The following PNCK variants were observed in gnomAD, a reference collection of about 807,000 sequenced individuals.
PNCK encodes pregnancy up-regulated nonubiquitous CaM kinase, also known as calcium/calmodulin-dependent protein kinase type 1B.
PNCK carries 21 observed loss-of-function variants against 28.3 expected under a neutral mutation model. The observed-to-expected ratio is 0.74, with a 90% CI of 0.53 to 1.07. PNCK has a LOEUF of 1.07. PNCK is among the 50% of genes least tolerant of loss of function. The probability of loss-of-function intolerance (pLI) is 0.00; values close to 1 mark genes in which losing one functional copy is unlikely to be tolerated. For missense variants in PNCK, 250 were observed against 298.3 expected, an observed-to-expected ratio of 0.84 and a Z score of 1.19; for synonymous variants, 136 against 125.2, an observed-to-expected ratio of 1.09 and a Z score of -0.58.
upstream of PNCK, chrX:153,673,972 A>G (rs1603206094): frequency 9.0e-7 from 1 of 1,110,867 alleles, no homozygotes; most frequent in East Asian, 3.6e-5. Flanking sequence ...GCCGGCCGCC[A>G]CCGCCCAGCC....
intron 1 of PNCK, among the ~76,000 whole-genome samples, chrX:153,684,272 C>T (rs1373280043): frequency 1.8e-5 from 2 of 112,336 alleles, no homozygotes; most frequent in Non-Finnish European, 3.8e-5. Context: ...TGGGTCTGCA[C>T]GGAATATATG....
At chrX:153,678,835 C>CT (rs55925645), upstream of PNCK, among the ~76,000 whole-genome samples, 210 of 95,095 alleles carry the variant, frequency 2.2e-3, 1 homozygote, top group African/African-American at 4.5e-3. Flanking sequence ...CGTTTTCTGT[C>CT]TTTTTTTTTT....
At chrX:153,685,317 T>C (rs1359504878) in intron 1 of PNCK, among the ~76,000 whole-genome samples, 1 of 111,145 alleles carries the variant, frequency 9.0e-6, no homozygotes, top group Non-Finnish European at 1.9e-5. Flanking sequence ...TTTGCCTTTG[T>C]TCCCCCAACT....
upstream of PNCK, among the ~76,000 whole-genome samples, chrX:153,676,651 G>T (rs1043629564): frequency 1.8e-5 from 2 of 111,266 alleles, no homozygotes; most frequent in Non-Finnish European, 3.8e-5. Context: ...ATCACCTGAG[G>T]TCAGGAGTTC....
chrX:153,685,619 G>A (rs2091415660), intron 1 of PNCK, among the ~76,000 whole-genome samples: 2 of 112,767 alleles, frequency 1.8e-5, no homozygotes, highest in African/African-American at 6.4e-5. Context: ...CCGCGTGGAG[G>A]GAAAACTCAG....
At chrX:153,670,180 A>G (rs1311641705) in intron 11 of PNCK, 50 bp from the exon 12 acceptor site, 16 of 405,423 alleles carry the variant, frequency 3.9e-5, no homozygotes, top group Non-Finnish European at 5.2e-5. Flanking sequence ...CCGGCCTGCC[A>G]GCCCTGTGCC....
rs1187183802 is a variant in PNCK, at chrX:153,681,188, A to G, written c.-3+6243T>C. ...TATGAGTCCATACCGTTATAAATAA[A>G]TGATTACATAAATAAATGTGGGAGA... On this transcript the variant is annotated intron_variant, in intron 1 of 3. Coordinates refer to the PNCK transcript ENST00000419804. 2.7e-5 allele frequency among the ~76,000 whole-genome samples: 3 copies of G among 112,215 alleles called. No homozygotes were observed. The Admixed American group carries it at 2.8e-4, about 11-fold the overall frequency.
Position 153,672,134 on chromosome X carries a change from G to A in PNCK, c.267C>T (p.Ala89=), listed in dbSNP as rs782059526. ...GCCCAGGCCCTCCTCACAGTTCCAT[G>A]GCCAGGTAGAGGTGGGAAGGGCTCT... ...VHESPSHLYL[A]MELVTGGELF... is the part of the protein sequence containing the mutation. The change falls in exon 4 of 12, where the codon GCC becomes GCT. Residue 89 remains alanine, a synonymous_variant. Coordinates refer to ENST00000340888, the MANE Select transcript of PNCK (RefSeq NM_001366977.1). 1 of 1,204,383 alleles carries A rather than the reference G, an allele frequency of 8.3e-7. No homozygotes were observed. Among genetic ancestry groups the A allele is most frequent in the Non-Finnish European group, 1.1e-6 (1 of 891,534 alleles).
At chrX:153,673,430 A>C in intron 1 of PNCK, 1 of 586,268 alleles carries the variant, frequency 1.7e-6, no homozygotes, top group Non-Finnish European at 2.5e-6. Context: ...ACAGCGCCCA[A>C]GCCCCCACCC....
Position 153,673,014 on chromosome X carries a change from G to A in PNCK, c.63C>T (p.Leu21=), listed in dbSNP as rs1274528872. Residue 21 remains leucine, a synonymous_variant, in exon 2 of 12, where the codon CTC becomes CTT. Coordinates refer to ENST00000340888, the MANE Select transcript of PNCK (RefSeq NM_001366977.1). ...ISSVYEIRER[L]GSGAFSEVVL... ...ACACGCGCGCGCACACTCACGAGCC[G>A]AGCCTCTCGCGGATCTCGTAGACGC... 11 of 1,187,874 alleles carry A rather than the reference G, an allele frequency of 9.3e-6. No individual in the cohort carries two copies. The highest frequency in any genetic ancestry group is 6.1e-5 in the East Asian group (2 of 32,892).
chrX:153,670,792 G>A lies in PNCK; in HGVS notation c.846C>T (p.Gly282=). Residue 282 remains glycine, a synonymous_variant, in exon 10 of 12, where the codon GGC becomes GGT. Coordinates refer to ENST00000340888, the MANE Select transcript of PNCK (RefSeq NM_001366977.1). ...GDTAFDRDIL[G]SVSEQIRKNF... ...TCTTCCGGATCTGCTCACTGACAGA[G>A]CCTAAGATGTCCCTGTCGAAGGCTG... is the stretch of plus-strand genomic sequence containing the variant. 1.7e-6 allele frequency: 2 copies of A among 1,211,561 alleles called. No individual in the cohort carries two copies. The highest frequency in any genetic ancestry group is 2.2e-6 in the Non-Finnish European group (2 of 895,041).
At chrX:153,683,184 A>G (rs942045370) in intron 1 of PNCK, among the ~76,000 whole-genome samples, 4 of 112,827 alleles carry the variant, frequency 3.5e-5, no homozygotes, top group Non-Finnish European at 7.5e-5. Flanking sequence ...TCTGTCGCCC[A>G]GGCTGGAGTG....
At chrX:153,672,763 A>G (rs2091321095) in intron 2 of PNCK, 66 bp from the exon 3 acceptor site, 2 of 1,128,345 alleles carry the variant, frequency 1.8e-6, no homozygotes, top group Non-Finnish European at 2.4e-6. Context: ...GGAGGGAGAG[A>G]GAGTGGAGCG....
upstream of PNCK, chrX:153,687,626 G>T (rs1557043372): frequency 1.6e-5 from 5 of 308,321 alleles, no homozygotes; most frequent in Non-Finnish European, 3.1e-5. Flanking sequence ...CCAGGGCTGG[G>T]AGGGGCCGGC....
chrX:153,674,000 G>T (rs1328184638), upstream of PNCK: 5 of 1,168,650 alleles, frequency 4.3e-6, no homozygotes, highest in Non-Finnish European at 4.6e-6. Context: ...CGCTCGCGCC[G>T]CCTCCCGGAG....
At chrX:153,673,276 G>T in intron 1 of PNCK, 198 bp from the exon 2 acceptor site, 1 of 1,195,170 alleles carries the variant, frequency 8.4e-7, no homozygotes, top group Non-Finnish European at 1.1e-6. Flanking sequence ...CACATCCCAG[G>T]CCTACAGCTG....
intron 2 of PNCK, 49 bp downstream of exon 2, chrX:153,672,954 TACACAC>T (rs10542443): frequency 0.01 from 10,770 of 1,027,840 alleles, 138 homozygotes; most frequent in African/African-American, 0.098. Flanking sequence ...CTCACACAGG[TACACAC>T]ACACACACAC....
upstream of PNCK, among the ~76,000 whole-genome samples, chrX:153,677,836 GTA>G (rs1159694933): frequency 6.7e-5 from 7 of 104,801 alleles, no homozygotes; most frequent in Non-Finnish European, 1.4e-4. Context: ...TGTATATAGT[GTA>G]TATATAGTCT....
At chrX:153,671,426 G>A in intron 6 of PNCK, 66 bp from the exon 7 acceptor site, 1 of 1,211,854 alleles carries the variant, frequency 8.3e-7, no homozygotes, top group South Asian at 1.8e-5. Context: ...CAGTGTCACT[G>A]GCTCGGCCTA....
Sources: gnomAD v4.1 joint callset for allele counts (sites outside exome capture counted in the v4.1 genomes callset) on GRCh38, gnomAD v4.1.1 for gene constraint, MANE v1.5 for transcripts, NCBI Gene and HGNC (gene_info 2026-07-23, HGNC 2026-07-21) for gene names.